PCDHA4: variants seen among roughly 807,000 people sequenced by gnomAD.
PCDHA4 encodes protocadherin alpha 4.
PCDHA4 carries 49 observed loss-of-function variants against 61.4 expected under a neutral mutation model. The ratio of observed to expected loss-of-function variants is 0.80; its 90% CI spans 0.63 to 1.01. The LOEUF (loss-of-function observed/expected upper bound fraction) is 1.01, where lower values mean the gene tolerates loss of function less well. PCDHA4 is among the 50% of genes least tolerant of loss of function. The probability of loss-of-function intolerance (pLI) is 0.00; values close to 1 mark genes in which losing one functional copy is unlikely to be tolerated. For missense variants in PCDHA4, 1,254 were observed against 1,235.8 expected (o/e 1.01, Z -0.22); for synonymous variants, 590 against 550.3 (o/e 1.07, Z -1.01).
In PCDHA4 at chr5:141,010,017, T is replaced by C; in HGVS notation, c.*80T>C. 1.3e-6 allele frequency: 2 copies of C among 1,571,154 alleles called. No individual in the cohort carries two copies. Among genetic ancestry groups the C allele is most frequent in the Non-Finnish European group, 1.7e-6 (2 of 1,162,678 alleles). On this transcript the variant is annotated 3_prime_UTR_variant, in exon 4 of 4. Transcript: ENST00000530339. ...CTCCCATGTAGCAATTCCCTGCTCC[T>C]TTTTCCTATCTACATGAGCCCTCTT...
chr5:140,852,939 T>C (rs995213458), intron 1 of PCDHA4: 2 of 590,456 alleles, frequency 3.4e-6, no homozygotes, highest in Non-Finnish European at 4.4e-6. Context: ...AGTGCAGTGG[T>C]GCCATCTTGG....
intron 1 of PCDHA4, chr5:140,969,086 G>A: frequency 6.2e-7 from 1 of 1,614,190 alleles, no homozygotes; most frequent in Non-Finnish European, 8.5e-7. Context: ...TGGCCTCAAA[G>A]TGCAGCCTCA....
At chr5:140,870,252 GGTGACCT>G in intron 1 of PCDHA4, 5 of 1,614,198 alleles carry the variant, frequency 3.1e-6, no homozygotes, top group Non-Finnish European at 4.2e-6. Context: ...TCAACGGACA[GGTGACCT>G]GCTCGCTGAC....
intron 1 of PCDHA4, among the ~76,000 whole-genome samples, chr5:140,941,907 CT>C (rs1379926904): frequency 7.2e-5 from 11 of 152,106 alleles, no homozygotes; most frequent in African/African-American, 2.7e-4. Context: ...CATTGAAATG[CT>C]TTTATGTATA....
intron 1 of PCDHA4, chr5:140,836,354 C>A (rs2150258506): frequency 1.2e-6 from 2 of 1,613,672 alleles, no homozygotes; most frequent in Admixed American, 3.3e-5. Flanking sequence ...ACGGGGAGCC[C>A]TCGCTGACAG....
At chr5:140,857,718 A>G in intron 1 of PCDHA4, 1 of 1,597,160 alleles carries the variant, frequency 6.3e-7, no homozygotes, top group Non-Finnish European at 8.6e-7. Context: ...GTGCTGGACG[A>G]GAACGACAAC....
At chr5:140,929,103 G>C (rs1424047708) in intron 1 of PCDHA4, 1 of 1,614,062 alleles carries the variant, frequency 6.2e-7, no homozygotes, top group East Asian at 2.2e-5. Flanking sequence ...ATCCTTGCAT[G>C]ACATCAGCCA....
intron 3 of PCDHA4, among the ~76,000 whole-genome samples, chr5:140,991,888 A>T (rs1374098533): frequency 6.6e-6 from 1 of 152,178 alleles, no homozygotes; most frequent in African/African-American, 2.4e-5. Context: ...TGCCATAACA[A>T]ATTAACACAA....
intron 1 of PCDHA4, chr5:140,876,123 C>T (rs782271666): frequency 6.2e-7 from 1 of 1,613,906 alleles, no homozygotes; most frequent in East Asian, 2.2e-5. Flanking sequence ...TAATCGATGG[C>T]GGTAAACCAG....
intron 1 of PCDHA4, chr5:140,835,530 G>A (rs140697336): frequency 4.3e-6 from 7 of 1,613,820 alleles, no homozygotes; most frequent in Admixed American, 1.7e-5. Flanking sequence ...TGGAGTCAAC[G>A]GACAGGTTAC....
intron 1 of PCDHA4, chr5:140,877,734 G>A (rs2057311538): frequency 1.9e-6 from 3 of 1,614,070 alleles, no homozygotes; most frequent in African/African-American, 2.7e-5. Flanking sequence ...CGCAGCAGAG[G>A]AGGCAGAGGG....
At chr5:140,839,916 A>G (rs2150301736) in intron 1 of PCDHA4, among the ~76,000 whole-genome samples, 33 of 151,970 alleles carry the variant, frequency 2.2e-4, no homozygotes, top group African/African-American at 7.5e-4. Context: ...TAGAAGAAAA[A>G]CCTTGAACAA....
At chr5:140,982,380 C>A in intron 2 of PCDHA4, 95 bp from the exon 3 acceptor site, 1 of 1,577,206 alleles carries the variant, frequency 6.3e-7, no homozygotes, top group South Asian at 1.2e-5. Context: ...AGCTGCAGCC[C>A]TGGCTTCATA....
intron 1 of PCDHA4, chr5:140,836,100 A>C (rs2150252810): frequency 8.7e-6 from 14 of 1,613,582 alleles, no homozygotes; most frequent in Non-Finnish European, 1.2e-5. Context: ...GGTGGGTGGC[A>C]CTGGTGGCGC....
chr5:140,876,803 A>G lies in PCDHA4; in HGVS notation c.2385+67231A>G, dbSNP rs201565376. The G allele has an allele frequency of 1.6e-4, 261 of 1,614,140 alleles. 4 individuals are homozygous for G. In the East Asian group the frequency reaches 3.7e-3, roughly 23 times the overall value. On this transcript the variant is annotated intron_variant, in intron 1 of 3. Coordinates refer to ENST00000530339, the MANE Select transcript of PCDHA4 (RefSeq NM_018907.4). ...TGGGCCACGGCTAGAGTGTCCGTGG[A>G]GGTGGCCGACGTGAACGACAATGCG...
intron 1 of PCDHA4, among the ~76,000 whole-genome samples, chr5:140,887,432 C>G (rs2061445843): frequency 6.6e-6 from 1 of 152,120 alleles, no homozygotes; most frequent in Non-Finnish European, 1.5e-5. Flanking sequence ...AGTATTTTCA[C>G]TGGGCATAGT....
At chr5:140,985,616 G>C in intron 3 of PCDHA4, among the ~76,000 whole-genome samples, 1 of 152,104 alleles carries the variant, frequency 6.6e-6, no homozygotes, top group African/African-American at 2.4e-5. Flanking sequence ...CCGTGAACCA[G>C]CTGTGTATTG....
chr5:140,993,267 T>C (rs1554253547), intron 3 of PCDHA4, among the ~76,000 whole-genome samples: 1 of 152,166 alleles, frequency 6.6e-6, no homozygotes, highest in Non-Finnish European at 1.5e-5. Context: ...ATTAGCTTCT[T>C]TGGTCTTTTC....
intron 1 of PCDHA4, chr5:140,842,466 A>G (rs1451214851): frequency 6.2e-7 from 1 of 1,613,794 alleles, no homozygotes; most frequent in Non-Finnish European, 8.5e-7. Context: ...TCAGGTGCCA[A>G]CGGGCAGGTG....
Sources: gnomAD v4.1 joint callset for allele counts (sites outside exome capture counted in the v4.1 genomes callset) on GRCh38, gnomAD v4.1.1 for gene constraint, MANE v1.5 for transcripts, NCBI Gene and HGNC (gene_info 2026-07-23, HGNC 2026-07-21) for gene names.